Variants in SNTG1 observed in about 807,000 individuals in gnomAD.
SNTG1 encodes the protein syntrophin gamma 1, also known as gamma-1-syntrophin.
A neutral mutation model predicts 74.7 loss-of-function variants in SNTG1; 39 were observed. The ratio of observed to expected loss-of-function variants is 0.52; its 90% CI spans 0.40 to 0.68. The LOEUF (loss-of-function observed/expected upper bound fraction) is 0.68. SNTG1 is among the 30% of genes least tolerant of loss of function. The pLI, the probability that SNTG1 is intolerant of heterozygous loss-of-function variation, is 0.00. For missense variants in SNTG1, 685 were observed against 609.5 expected (o/e 1.12, Z -1.30); for synonymous variants, 254 against 217.1 (o/e 1.17, Z -1.49).
chr8:50,015,803 A>G (rs938409618), intron 1 of SNTG1, among the ~76,000 whole-genome samples: 1 of 152,156 alleles, frequency 6.6e-6, no homozygotes, highest in African/African-American at 2.4e-5. Context: ...TTGGAATTTG[A>G]TGAACTCTTG....
chr8:50,388,925 A>G (rs1216828015), intron 2 of SNTG1, among the ~76,000 whole-genome samples: 2 of 152,128 alleles, frequency 1.3e-5, no homozygotes, highest in Non-Finnish European at 2.9e-5. Context: ...GGAGTCTTCA[A>G]TGTGATTGTG....
At chr8:50,756,785 A>G (rs1366834630) in intron 18 of SNTG1, among the ~76,000 whole-genome samples, 3 of 151,662 alleles carry the variant, frequency 2.0e-5, no homozygotes, top group Admixed American at 1.3e-4. Flanking sequence ...TTTAGAATCA[A>G]TTTGTCAATA....
intron 12 of SNTG1, among the ~76,000 whole-genome samples, chr8:50,560,357 C>T (rs1038452807): frequency 6.6e-6 from 1 of 152,158 alleles, no homozygotes; most frequent in African/African-American, 2.4e-5. Flanking sequence ...ACCCAGCAAT[C>T]CCATTACTGG....
chr8:50,684,874 C>T (rs1388631778), intron 15 of SNTG1, among the ~76,000 whole-genome samples: 8 of 144,606 alleles, frequency 5.5e-5, no homozygotes, highest in African/African-American at 1.5e-4. Context: ...TCTCCCAATG[C>T]TATCCCTCCC....
intron 17 of SNTG1, among the ~76,000 whole-genome samples, chr8:50,712,966 G>A (rs560629492): frequency 1.1e-4 from 16 of 152,184 alleles, no homozygotes; most frequent in African/African-American, 3.1e-4. Flanking sequence ...ATAAACATAC[G>A]TGTGCATGTG....
chr8:50,423,631 A>G (rs1587570856), intron 4 of SNTG1, among the ~76,000 whole-genome samples: 2 of 152,378 alleles, frequency 1.3e-5, no homozygotes, highest in African/African-American at 4.8e-5. Context: ...TCACAAAGGC[A>G]GTATTTTCAA....
intron 1 of SNTG1, among the ~76,000 whole-genome samples, chr8:50,152,699 GA>G (rs956600953): frequency 9.9e-5 from 15 of 152,176 alleles, no homozygotes; most frequent in African/African-American, 3.4e-4. Flanking sequence ...ATTCTGGGTT[GA>G]AAATTATTTT....
chr8:50,057,538 T>C (rs1820128785), intron 1 of SNTG1, among the ~76,000 whole-genome samples: 1 of 152,150 alleles, frequency 6.6e-6, no homozygotes, highest in Admixed American at 6.6e-5. Context: ...GGTACTAACC[T>C]GGGAAAATTA....
intron 2 of SNTG1, among the ~76,000 whole-genome samples, chr8:50,258,777 T>A (rs561699772): frequency 6.6e-6 from 1 of 152,102 alleles, no homozygotes; most frequent in Non-Finnish European, 1.5e-5. Flanking sequence ...GAGCAGAGTC[T>A]AAGAGAAATG....
chr8:50,754,733 A>AT (rs1000239773), intron 18 of SNTG1, among the ~76,000 whole-genome samples: 2 of 151,344 alleles, frequency 1.3e-5, no homozygotes, highest in African/African-American at 4.8e-5. Flanking sequence ...CTCATTTTTA[A>AT]TTTTTTTGAG....
At chr8:50,128,834 A>G (rs749295706) in intron 1 of SNTG1, among the ~76,000 whole-genome samples, 1 of 152,148 alleles carries the variant, frequency 6.6e-6, no homozygotes, top group Non-Finnish European at 1.5e-5. Flanking sequence ...TATTTAAATA[A>G]CACACAATTT....
chr8:50,204,535 T>C (rs1006105895), intron 2 of SNTG1, among the ~76,000 whole-genome samples: 7 of 152,152 alleles, frequency 4.6e-5, no homozygotes, highest in Non-Finnish European at 1.0e-4. Flanking sequence ...TGAAAATACA[T>C]CTTTGAAAAT....
chr8:50,128,334 G>A (rs1018835094), intron 1 of SNTG1, among the ~76,000 whole-genome samples: 5 of 152,090 alleles, frequency 3.3e-5, no homozygotes, highest in African/African-American at 9.7e-5. Flanking sequence ...CTCTTTTTGA[G>A]TGTCTCACTT....
chr8:50,259,176 A>G (rs902727164), intron 2 of SNTG1, among the ~76,000 whole-genome samples: 2 of 152,146 alleles, frequency 1.3e-5, no homozygotes, highest in African/African-American at 4.8e-5. Context: ...CAAGAATCTT[A>G]TATCAGGCAA....
intron 1 of SNTG1, among the ~76,000 whole-genome samples, chr8:49,924,068 G>C (rs1806801873): frequency 6.6e-6 from 1 of 152,058 alleles, no homozygotes; most frequent in African/African-American, 2.4e-5. Flanking sequence ...TTTAAGGCAG[G>C]TTAATTTTTA....
chr8:49,958,705 C>T (rs774523205), intron 1 of SNTG1, among the ~76,000 whole-genome samples: 7 of 152,206 alleles, frequency 4.6e-5, no homozygotes, highest in Non-Finnish European at 1.0e-4. Context: ...AGGCGTGAGC[C>T]ACTACGCCCA....
At chr8:50,351,655 T>C (rs1399315127) in intron 2 of SNTG1, among the ~76,000 whole-genome samples, 1 of 152,130 alleles carries the variant, frequency 6.6e-6, no homozygotes, top group Non-Finnish European at 1.5e-5. Context: ...AAGAAAAATA[T>C]CAACAATTCT....
intron 1 of SNTG1, among the ~76,000 whole-genome samples, chr8:50,091,516 A>G (rs1020732782): frequency 3.3e-5 from 5 of 152,152 alleles, no homozygotes; most frequent in Non-Finnish European, 5.9e-5. Context: ...TTTTAGTTCC[A>G]TGCATAAGTG....
chr8:50,475,240 A>AT (rs2093687910), intron 8 of SNTG1, among the ~76,000 whole-genome samples: 3 of 151,488 alleles, frequency 2.0e-5, no homozygotes, highest in African/African-American at 7.3e-5. Flanking sequence ...TAATAATAAT[A>AT]ATAATAAAAA....
Sources: gnomAD v4.1 joint callset for allele counts (sites outside exome capture counted in the v4.1 genomes callset) on GRCh38, gnomAD v4.1.1 for gene constraint, MANE v1.5 for transcripts, NCBI Gene and HGNC (gene_info 2026-07-23, HGNC 2026-07-21) for gene names.